Variants in TRAPPC9 observed in about 807,000 individuals in gnomAD.
The protein encoded by TRAPPC9 is IKK2 binding protein.
TRAPPC9 carries 83 observed loss-of-function variants against 124.0 expected under a neutral mutation model. The ratio of observed to expected loss-of-function variants is 0.67; its 90% CI spans 0.56 to 0.80. The LOEUF is 0.80. Ranked by LOEUF, TRAPPC9 falls within the 30% of genes least tolerant of loss-of-function variation. The pLI, the probability that TRAPPC9 is intolerant of heterozygous loss-of-function variation, is 0.00. For synonymous variants in TRAPPC9, 638 were observed against 617.5 expected (o/e 1.03, Z -0.49); for missense variants, 1,302 against 1,508.3 (o/e 0.86, Z 2.27).
chr8:140,424,967 C>T (rs1280396492), intron 5 of TRAPPC9, among the ~76,000 whole-genome samples: 3 of 152,098 alleles, frequency 2.0e-5, no homozygotes, highest in African/African-American at 4.8e-5. Context: ...ATGGGTTTTC[C>T]GGGAGCTGAA....
chr8:140,368,069 G>A (rs534122285), intron 8 of TRAPPC9, among the ~76,000 whole-genome samples: 2 of 152,280 alleles, frequency 1.3e-5, no homozygotes, highest in East Asian at 1.9e-4. Flanking sequence ...TCTGCACCCC[G>A]TCATGGTTTT....
chr8:139,982,662 C>T (rs1224354405), intron 19 of TRAPPC9, among the ~76,000 whole-genome samples: 3 of 152,202 alleles, frequency 2.0e-5, no homozygotes, highest in Non-Finnish European at 4.4e-5. Flanking sequence ...GCCACAGAAA[C>T]TCACAAGCTG....
At chr8:139,970,283 G>A (rs1835978255) in intron 19 of TRAPPC9, among the ~76,000 whole-genome samples, 1 of 152,246 alleles carries the variant, frequency 6.6e-6, no homozygotes, top group African/African-American at 2.4e-5. Flanking sequence ...ACAGCCCTCT[G>A]CTGGGAACTG....
intron 21 of TRAPPC9, among the ~76,000 whole-genome samples, chr8:139,817,545 T>C (rs1224558187): frequency 6.6e-6 from 1 of 152,168 alleles, no homozygotes; most frequent in Non-Finnish European, 1.5e-5. Flanking sequence ...GCCCTCCTGG[T>C]CTCCTGCCCC....
intron 7 of TRAPPC9, among the ~76,000 whole-genome samples, chr8:140,383,307 G>C (rs1588254705): frequency 1.3e-5 from 2 of 152,246 alleles, no homozygotes; most frequent in South Asian, 4.1e-4. Flanking sequence ...AGCAAAGCTA[G>C]ACAGAGAATG....
chr8:140,311,476 A>G, intron 9 of TRAPPC9, 102 bp from the exon 10 acceptor site: 2 of 1,387,068 alleles, frequency 1.4e-6, no homozygotes, highest in Non-Finnish European at 2.0e-6. Flanking sequence ...AGTGAGTCCA[A>G]TCTTCTGACA....
intron 18 of TRAPPC9, among the ~76,000 whole-genome samples, chr8:139,996,763 A>G (rs1478855268): frequency 6.6e-6 from 1 of 152,162 alleles, no homozygotes; most frequent in African/African-American, 2.4e-5. Context: ...CTTTTGAGAC[A>G]GAGTCTCGCT....
At chr8:140,186,031 G>T (rs1408060271) in intron 17 of TRAPPC9, among the ~76,000 whole-genome samples, 1 of 152,138 alleles carries the variant, frequency 6.6e-6, no homozygotes, top group Non-Finnish European at 1.5e-5. Flanking sequence ...TGACGCTGGG[G>T]TATTGTTACC....
intron 21 of TRAPPC9, among the ~76,000 whole-genome samples, chr8:139,838,667 G>T (rs1039934490): frequency 6.6e-6 from 1 of 152,156 alleles, no homozygotes; most frequent in Non-Finnish European, 1.5e-5. Context: ...ATGACGGGTG[G>T]GTGGCAAGGT....
intron 17 of TRAPPC9, among the ~76,000 whole-genome samples, chr8:140,208,874 G>A (rs2062990362): frequency 6.6e-6 from 1 of 152,200 alleles, no homozygotes; most frequent in South Asian, 2.1e-4. Context: ...AGTATTGGTG[G>A]GATGTGAAAC....
chr8:140,034,771 C>T (rs1031753154), intron 17 of TRAPPC9, among the ~76,000 whole-genome samples: 2 of 152,242 alleles, frequency 1.3e-5, no homozygotes, highest in Non-Finnish European at 2.9e-5. Flanking sequence ...CAGCTCACCA[C>T]TATCGAAAGC....
chr8:140,131,913 C>T (rs1055588168), intron 17 of TRAPPC9, among the ~76,000 whole-genome samples: 2 of 152,356 alleles, frequency 1.3e-5, no homozygotes, highest in Middle Eastern at 6.8e-3. Flanking sequence ...CAGCCCTCTT[C>T]CCAGGGGACC....
intron 8 of TRAPPC9, among the ~76,000 whole-genome samples, chr8:140,366,176 G>C (rs1340014799): frequency 3.9e-5 from 6 of 152,108 alleles, no homozygotes; most frequent in Non-Finnish European, 8.8e-5. Flanking sequence ...TCACTGATGG[G>C]CATTGAGGTT....
chr8:140,357,258 G>A (rs2067781236), intron 9 of TRAPPC9, among the ~76,000 whole-genome samples: 1 of 152,160 alleles, frequency 6.6e-6, no homozygotes. Context: ...AGGGTGTGGG[G>A]ACAGGGGAGG....
At chr8:140,271,539 AAC>A (rs1206322864) in intron 15 of TRAPPC9, among the ~76,000 whole-genome samples, 2 of 152,118 alleles carry the variant, frequency 1.3e-5, no homozygotes. Context: ...GGGAGGGAGA[AAC>A]AGAGATAGAG....
In TRAPPC9 at chr8:140,123,239, CCACTCTCACCCAAGCTCA is replaced by C. The variant is rs1249890996; in HGVS notation, c.2556+98202_2556+98219del. On this transcript the variant is annotated intron_variant, in intron 17 of 22. Coordinates refer to ENST00000438773, the MANE Select transcript of TRAPPC9 (RefSeq NM_001160372.4). ...CCACAGTCACGTCCGCCATGACACC[CCACTCTCACCCAAGCTCA>C]CAAGTGCTCCAGCCGGACCTCCCAC... Among the ~76,000 whole-genome samples, 3 of 152,146 alleles carry C rather than the reference CCACTCTCACCCAAGCTCA, an allele frequency of 2.0e-5. No individual in the cohort carries two copies. In the East Asian group the frequency reaches 5.8e-4, roughly 29 times the overall value.
At chr8:139,974,220 C>T (rs748826787) in intron 19 of TRAPPC9, among the ~76,000 whole-genome samples, 4 of 152,106 alleles carry the variant, frequency 2.6e-5, no homozygotes, top group South Asian at 2.1e-4. Context: ...TGTATCGGTA[C>T]GCAAGAGAAA....
chr8:140,352,306 A>G (rs2067609685), intron 9 of TRAPPC9, among the ~76,000 whole-genome samples: 1 of 152,210 alleles, frequency 6.6e-6, no homozygotes, highest in Admixed American at 6.5e-5. Flanking sequence ...TTATTTTAGT[A>G]AGACTTTTGG....
At chr8:140,084,869 C>G (rs1844084745) in intron 17 of TRAPPC9, among the ~76,000 whole-genome samples, 1 of 152,216 alleles carries the variant, frequency 6.6e-6, no homozygotes, top group South Asian at 2.1e-4. Context: ...TATCTTCTAT[C>G]CTTGGAGTAA....
Sources: gnomAD v4.1 joint callset for allele counts (sites outside exome capture counted in the v4.1 genomes callset) on GRCh38, gnomAD v4.1.1 for gene constraint, MANE v1.5 for transcripts, NCBI Gene and HGNC (gene_info 2026-07-23, HGNC 2026-07-21) for gene names.